The following FHIT variants were observed in gnomAD, a reference collection of about 807,000 sequenced individuals.
FHIT encodes bis(5'-adenosyl)-triphosphatase.
In FHIT, 19 loss-of-function variants were observed where a neutral mutation model predicts 17.9. That is an observed-to-expected ratio of 1.06 (90% CI 0.74 to 1.56). The LOEUF is 1.56. Ranked by LOEUF, FHIT falls within the 40% of genes most tolerant of loss-of-function variation. The probability of loss-of-function intolerance (pLI) is 0.00; values close to 1 mark genes in which losing one functional copy is unlikely to be tolerated. For synonymous variants in FHIT, 81 were observed against 69.7 expected, an observed-to-expected ratio of 1.16 and a Z score of -0.81; for missense variants, 248 against 189.2, an observed-to-expected ratio of 1.31 and a Z score of -1.82.
In FHIT at chr3:60,879,839, A is replaced by T. The variant is rs149113111; in HGVS notation, c.-110-57828T>A. 5.5e-3 allele frequency among the ~76,000 whole-genome samples: 833 copies of T among 151,908 alleles called. 5 individuals are homozygous for T. The highest frequency in any genetic ancestry group is 0.018 in the African/African-American group (764 of 41,552). On this transcript the variant is annotated intron_variant, in intron 3 of 9. Coordinates refer to ENST00000492590, the MANE Select transcript of FHIT (RefSeq NM_002012.4). ...AGGTTATTTAAAATTACTTAGCTAG[A>T]GAGAAAAAAAAATAAGAAAGAAAAA...
chr3:60,602,105 G>A (rs911013045), intron 4 of FHIT, among the ~76,000 whole-genome samples: 1 of 152,080 alleles, frequency 6.6e-6, no homozygotes, highest in East Asian at 1.9e-4. Context: ...ACACTGGACC[G>A]TAAAAAGAAA....
At chr3:59,855,866 T>C (rs943315073) in intron 8 of FHIT, among the ~76,000 whole-genome samples, 4 of 151,820 alleles carry the variant, frequency 2.6e-5, no homozygotes, top group Admixed American at 6.6e-5. Flanking sequence ...CTGCAAGCTC[T>C]GCCTCCCGGG....
chr3:60,228,601 T>C (rs913495723), intron 5 of FHIT, among the ~76,000 whole-genome samples: 11 of 152,206 alleles, frequency 7.2e-5, no homozygotes, highest in African/African-American at 1.9e-4. Context: ...CCTAAGTTTC[T>C]ACATGTATAA....
At chr3:60,109,775 C>A (rs1309136581) in intron 5 of FHIT, among the ~76,000 whole-genome samples, 3 of 152,172 alleles carry the variant, frequency 2.0e-5, no homozygotes, top group Non-Finnish European at 4.4e-5. Flanking sequence ...CTGCATAAAT[C>A]TGACCTTTCT....
At chr3:59,976,807 C>T (rs1324279188) in intron 7 of FHIT, among the ~76,000 whole-genome samples, 1 of 152,110 alleles carries the variant, frequency 6.6e-6, no homozygotes, top group Non-Finnish European at 1.5e-5. Flanking sequence ...ATCTCCTCCT[C>T]CTTCATCGTG....
chr3:60,366,642 C>T (rs900727987), intron 5 of FHIT, among the ~76,000 whole-genome samples: 1 of 152,194 alleles, frequency 6.6e-6, no homozygotes, highest in African/African-American at 2.4e-5. Context: ...CAAGCTTTCT[C>T]TCACATTCTC....
chr3:60,132,228 C>T (rs1699624799), intron 5 of FHIT, among the ~76,000 whole-genome samples: 1 of 152,136 alleles, frequency 6.6e-6, no homozygotes, highest in African/African-American at 2.4e-5. Flanking sequence ...ATTGTGTTAT[C>T]CATCTCCACG....
chr3:60,775,171 G>C (rs1287605196), intron 4 of FHIT, among the ~76,000 whole-genome samples: 2 of 152,124 alleles, frequency 1.3e-5, no homozygotes, highest in Non-Finnish European at 2.9e-5. Flanking sequence ...TTTTAAATAA[G>C]GAATGTTTAA....
intron 5 of FHIT, among the ~76,000 whole-genome samples, chr3:60,096,175 G>C (rs1703941045): frequency 1.3e-5 from 2 of 152,168 alleles, no homozygotes; most frequent in Admixed American, 1.3e-4. Flanking sequence ...TAGTTCCCAA[G>C]TTCTTGTCCT....
chr3:60,823,356 G>T (rs782143084), intron 3 of FHIT, among the ~76,000 whole-genome samples: 3 of 152,142 alleles, frequency 2.0e-5, no homozygotes, highest in Non-Finnish European at 4.4e-5. Flanking sequence ...TCAGTACTTA[G>T]AATGTGACCT....
At chr3:60,112,964 T>C (rs1326244386) in intron 5 of FHIT, among the ~76,000 whole-genome samples, 1 of 152,200 alleles carries the variant, frequency 6.6e-6, no homozygotes, top group Non-Finnish European at 1.5e-5. Context: ...ATGGGCTGAT[T>C]GGCTCAGATG....
At chr3:60,414,014 G>T (rs1228801563) in intron 5 of FHIT, among the ~76,000 whole-genome samples, 2 of 152,160 alleles carry the variant, frequency 1.3e-5, no homozygotes, top group African/African-American at 4.8e-5. Context: ...ACTACAAATT[G>T]TGATAGAATA....
At chr3:60,512,582 G>T (rs1479080586) in intron 5 of FHIT, among the ~76,000 whole-genome samples, 4 of 109,010 alleles carry the variant, frequency 3.7e-5, no homozygotes, top group African/African-American at 1.2e-4. Flanking sequence ...GAAAAAAACT[G>T]TGTCTTTTAC....
At chr3:60,789,966 G>C (rs1553728075) in intron 4 of FHIT, among the ~76,000 whole-genome samples, 1 of 152,026 alleles carries the variant, frequency 6.6e-6, no homozygotes, top group African/African-American at 2.4e-5. Flanking sequence ...GCGTCAAAAA[G>C]GTCACTTGTG....
chr3:60,912,408 A>T (rs1447918), intron 3 of FHIT, among the ~76,000 whole-genome samples: 104,801 of 151,986 alleles, frequency 0.69, 36,493 homozygotes, highest in East Asian at 0.93. Flanking sequence ...CAAACTGATG[A>T]CAGTTATCCC....
intron 3 of FHIT, among the ~76,000 whole-genome samples, chr3:60,832,989 T>C (rs1250637150): frequency 2.6e-5 from 4 of 152,194 alleles, no homozygotes; most frequent in African/African-American, 7.2e-5. Flanking sequence ...AACACAGTTC[T>C]AGAAAGATTG....
At chr3:60,460,077 C>G (rs181321039) in intron 5 of FHIT, among the ~76,000 whole-genome samples, 1 of 152,302 alleles carries the variant, frequency 6.6e-6, no homozygotes, top group Non-Finnish European at 1.5e-5. Flanking sequence ...CCACAACCCT[C>G]TTTTCAGAAG....
chr3:60,810,531 CAA>C (rs1701542344), intron 4 of FHIT, among the ~76,000 whole-genome samples: 1 of 152,118 alleles, frequency 6.6e-6, no homozygotes, highest in Non-Finnish European at 1.5e-5. Context: ...TTCAAACTGA[CAA>C]GAGAGCACTA....
chr3:60,845,141 T>C (rs1279320977), intron 3 of FHIT, among the ~76,000 whole-genome samples: 2 of 152,124 alleles, frequency 1.3e-5, no homozygotes, highest in Non-Finnish European at 2.9e-5. Context: ...AATCAATGTT[T>C]AAATATATTA....
Sources: gnomAD v4.1 joint callset for allele counts (sites outside exome capture counted in the v4.1 genomes callset) on GRCh38, gnomAD v4.1.1 for gene constraint, MANE v1.5 for transcripts, NCBI Gene and HGNC (gene_info 2026-07-23, HGNC 2026-07-21) for gene names.